The following NCOR2 variants were observed in gnomAD, a reference collection of about 807,000 sequenced individuals.
NCOR2 encodes the protein CTG repeat protein 26.
Under a neutral mutation model 262.9 loss-of-function variants are expected in NCOR2, and 81 were observed. The observed-to-expected ratio is 0.31, with a 90% CI of 0.26 to 0.37. NCOR2 has a LOEUF of 0.37. NCOR2 is among the 10% of genes least tolerant of loss of function. The probability of loss-of-function intolerance (pLI) is 1.00; values close to 1 mark genes in which losing one functional copy is unlikely to be tolerated. For missense variants in NCOR2, 3,385 were observed against 3,621.4 expected (o/e 0.93, Z 1.68); for synonymous variants, 1,659 against 1,559.3 (o/e 1.06, Z -1.51).
chr12:124,561,552 G>A (rs1284036854), intron 1 of NCOR2, among the ~76,000 whole-genome samples: 1 of 152,176 alleles, frequency 6.6e-6, no homozygotes, highest in African/African-American at 2.4e-5. Flanking sequence ...AGAGGCCGGT[G>A]GGAGAGGAAG....
chr12:124,340,173 C>T (rs774892717), exon 37 of NCOR2: 1 of 533,862 alleles, frequency 1.9e-6, no homozygotes, highest in Admixed American at 4.7e-5. Flanking sequence ...TGCCCCCACC[C>T]CCGCCGCTGC....
At chr12:124,372,504 G>C in exon 20 of NCOR2, 1 of 1,588,062 alleles carries the variant, frequency 6.3e-7, no homozygotes, top group Non-Finnish European at 8.5e-7. Context: ...GTGGCCCGTC[G>C]GCGCCCAGGG....
At chr12:124,354,045 C>A (rs4765555) in intron 27 of NCOR2, 48 bp downstream of exon 29, 3 of 1,528,172 alleles carry the variant, frequency 2.0e-6, no homozygotes, top group East Asian at 2.3e-5. Context: ...ATGGGCTGGC[C>A]CCGTGCTGGT....
chr12:124,326,465 T>C, intron 45 of NCOR2, 95 bp from the exon 48 acceptor site: 1 of 1,206,592 alleles, frequency 8.3e-7, no homozygotes, highest in Non-Finnish European at 1.1e-6. Context: ...GGTCCTGCCA[T>C]GGGCCCTCCA....
chr12:124,477,322 A>G (rs1366073611), intron 3 of NCOR2, among the ~76,000 whole-genome samples: 1 of 152,220 alleles, frequency 6.6e-6, no homozygotes, highest in Non-Finnish European at 1.5e-5. Context: ...TGCTGCTGCC[A>G]TGTGAAGAAG....
chr12:124,388,617 T>C, intron 16 of NCOR2: 1 of 1,291,536 alleles, frequency 7.7e-7, no homozygotes, highest in South Asian at 1.2e-5. Context: ...AAATCCCAGA[T>C]GGCCACGTTG....
Position 124,517,657 on chromosome 12 carries a change from C to T in NCOR2, c.-118+17908G>A, listed in dbSNP as rs2049896717. The stretch of plus-strand genomic sequence containing the variant: ...CTGAAGTCAACTCCGGGAACAGAAG[C>T]CCCCTGAGCCCCCAAGGCTCGCCAT... On this transcript the variant is annotated intron_variant, in intron 1 of 46. Transcript: ENST00000404621. The surrounding 1 kb of genome is among the most constrained non-coding windows in gnomAD (Gnocchi z 7.6). Among the ~76,000 whole-genome samples the T allele has an allele frequency of 6.6e-6, 1 of 152,206 alleles. No homozygotes were observed. The highest frequency in any genetic ancestry group is 1.5e-5 in the Non-Finnish European group (1 of 68,030).
At chr12:124,386,168 C>T (rs961746546) in intron 16 of NCOR2, among the ~76,000 whole-genome samples, 7 of 152,076 alleles carry the variant, frequency 4.6e-5, no homozygotes, top group African/African-American at 1.7e-4. Flanking sequence ...GAGCCAAAAG[C>T]GACAGGTGAA....
intron 22 of NCOR2, among the ~76,000 whole-genome samples, chr12:124,359,866 G>C (rs1166775592): frequency 6.6e-6 from 1 of 152,264 alleles, no homozygotes; most frequent in Non-Finnish European, 1.5e-5. Context: ...AGAGACCAGA[G>C]AGGTAGCGCT....
At chr12:124,532,733 G>C (rs887563741) in intron 1 of NCOR2, among the ~76,000 whole-genome samples, 1 of 152,162 alleles carries the variant, frequency 6.6e-6, no homozygotes, top group South Asian at 2.1e-4. Flanking sequence ...GGGGGACAGA[G>C]AGGCAGAGGA....
intron 8 of NCOR2, among the ~76,000 whole-genome samples, chr12:124,431,924 CCAGACACACAGATGGTCACACAGGCAGA>C (rs1310791227): frequency 6.6e-6 from 1 of 151,296 alleles, no homozygotes; most frequent in Non-Finnish European, 1.5e-5. Context: ...AGCCAGCCAG[CCAGACACACAGATGGTCACACAGGCAGA>C]CAGACACACA....
At chr12:124,363,996 CAGGGG>C (rs2038816172) in intron 20 of NCOR2, among the ~76,000 whole-genome samples, 197 bp from the exon 23 acceptor site, 1 of 152,132 alleles carries the variant, frequency 6.6e-6, no homozygotes, top group African/African-American at 2.4e-5. Context: ...GATTTGGGGC[CAGGGG>C]AGGGGAGGCA....
chr12:124,426,049 G>T (rs902339472), intron 11 of NCOR2, among the ~76,000 whole-genome samples: 1 of 152,186 alleles, frequency 6.6e-6, no homozygotes, highest in African/African-American at 2.4e-5. Flanking sequence ...CCTGCCCAAG[G>T]CTGCGGCCCA....
Position 124,481,290 on chromosome 12 carries a change from T to G in NCOR2, c.411+2306A>C, listed in dbSNP as rs1288230266. Among the ~76,000 whole-genome samples, 1 of 152,002 alleles carries G rather than the reference T, an allele frequency of 6.6e-6. No individual in the cohort carries two copies. Among genetic ancestry groups the G allele is most frequent in the Non-Finnish European group, 1.5e-5 (1 of 67,950 alleles). On this transcript the variant is annotated intron_variant, in intron 3 of 46. Transcript: ENST00000405201. This position sits in a 1 kb window ranked among gnomAD's most constrained non-coding sequence, Gnocchi z 4.6. ...CGAGGGGGCAGTGCCCGAGAGGAAC[T>G]GGCATCGACACCAGTCCCAAGCCCA...
chr12:124,522,466 G>A (rs909957859), intron 1 of NCOR2, among the ~76,000 whole-genome samples: 1 of 152,254 alleles, frequency 6.6e-6, no homozygotes, highest in South Asian at 2.1e-4. Flanking sequence ...GGCTCCTGGC[G>A]TTCCTTCCGT....
At chr12:124,325,392 C>CCCCCCCCCCAA in exon 47 of NCOR2, 1 of 1,152,270 alleles carries the variant, frequency 8.7e-7, no homozygotes, top group Non-Finnish European at 1.1e-6. Context: ...CCCCCCCGCC[C>CCCCCCCCCCAA]TGTTCTGAGT....
chr12:124,412,355 G>A (rs1031857432), intron 13 of NCOR2, among the ~76,000 whole-genome samples: 7 of 152,246 alleles, frequency 4.6e-5, no homozygotes, highest in Non-Finnish European at 7.3e-5. Context: ...GAGATGACAC[G>A]GTGGCACTGG....
At chr12:124,335,823 A>C (rs760420911) in intron 38 of NCOR2, 191 bp from the exon 41 acceptor site, 46 of 610,698 alleles carry the variant, frequency 7.5e-5, no homozygotes, top group Non-Finnish European at 1.2e-4. Context: ...GCCAAGGGAG[A>C]GGTGGAGAGA....
intron 20 of NCOR2, among the ~76,000 whole-genome samples, chr12:124,367,007 T>C (rs535039392): frequency 6.6e-6 from 1 of 152,282 alleles, no homozygotes; most frequent in African/African-American, 2.4e-5. Context: ...AATATAAATT[T>C]TAAGGTTGAA....
Sources: gnomAD v4.1 joint callset for allele counts (sites outside exome capture counted in the v4.1 genomes callset) on GRCh38, gnomAD v4.1.1 for gene constraint, Gnocchi (gnomAD v3.1) non-coding constraint, MANE v1.5 for transcripts, NCBI Gene and HGNC (gene_info 2026-07-23, HGNC 2026-07-21) for gene names.